The following DPH6 variants were observed in gnomAD, a reference collection of about 807,000 sequenced individuals.
DPH6 encodes the protein diphthamine biosynthesis 6.
DPH6 carries 33 observed loss-of-function variants against 38.2 expected under a neutral mutation model. The observed-to-expected ratio is 0.86, with a 90% confidence interval of 0.65 to 1.15. The LOEUF is 1.15. Ranked by LOEUF, DPH6 falls within the 50% of genes most tolerant of loss-of-function variation. The pLI is 0.00. For synonymous variants in DPH6, 108 were observed against 103.0 expected, an observed-to-expected ratio of 1.05 and a Z score of -0.30; for missense variants, 325 against 320.0, an observed-to-expected ratio of 1.02 and a Z score of -0.12.
chr15:35,205,882 A>G, the DPH6 span, among the ~76,000 whole-genome samples: 2 of 152,130 alleles, frequency 1.3e-5, no homozygotes. Context: ...CTGTCGGGCA[A>G]TATGTATTGA....
chr15:35,317,039 C>T (rs1371562782), intron 3 of DPH6, among the ~76,000 whole-genome samples: 1 of 152,284 alleles, frequency 6.6e-6, no homozygotes, highest in African/African-American at 2.4e-5. Flanking sequence ...AGGCAGATTG[C>T]TTGAGCCAAG....
chr15:35,452,297 A>T (rs1370529934), intron 4 of DPH6, among the ~76,000 whole-genome samples: 1 of 152,224 alleles, frequency 6.6e-6, no homozygotes, highest in Admixed American at 6.5e-5. Flanking sequence ...CAATGCCTGG[A>T]TAAAACAGGT....
downstream of DPH6, among the ~76,000 whole-genome samples, chr15:35,366,262 G>A (rs1279657710): frequency 7.4e-6 from 1 of 135,758 alleles, no homozygotes; most frequent in Non-Finnish European, 1.7e-5. Context: ...GTGTGTGTGT[G>A]TATACATATA....
At chr15:35,409,094 T>C (rs576091100) in intron 6 of DPH6, among the ~76,000 whole-genome samples, 1 of 151,874 alleles carries the variant, frequency 6.6e-6, no homozygotes, top group Non-Finnish European at 1.5e-5. Context: ...CAAGCACAGG[T>C]AGGGCCTCAG....
chr15:35,290,329 C>T (rs2051971962), intron 3 of DPH6, among the ~76,000 whole-genome samples: 1 of 152,190 alleles, frequency 6.6e-6, no homozygotes, highest in Admixed American at 6.5e-5. Context: ...ATGTGAACAT[C>T]ATTTCTGCAA....
the DPH6 span, among the ~76,000 whole-genome samples, chr15:35,172,340 T>C: frequency 6.6e-6 from 1 of 152,344 alleles, no homozygotes; most frequent in South Asian, 2.1e-4. Context: ...AATCATTTTC[T>C]TACACTTATT....
At position 35,371,180 on chromosome 15, in the gene DPH6, A is replaced by G. The variant is rs1324047051; in HGVS notation, c.*970T>C. The G allele has an allele frequency of 1.3e-5, 2 of 151,806 alleles. No individual in the cohort carries two copies. The highest frequency in any genetic ancestry group is 1.3e-4 in the Admixed American group (2 of 15,210). The allele number at this position is 151,806 out of a possible 1,614,324, so 9.4% of individuals were successfully genotyped here. ...AAACTATGTACACAGTGAAAAGATC[A>G]GTTGCTAAGGGTTAAAGGAGAGGGA... On this transcript the variant is annotated 3_prime_UTR_variant, in exon 9 of 9. Transcript: ENST00000256538.
chr15:35,462,461 C>A (rs1179027970), intron 3 of DPH6, among the ~76,000 whole-genome samples: 2 of 152,188 alleles, frequency 1.3e-5, no homozygotes, highest in African/African-American at 4.8e-5. Context: ...CAAGTATACT[C>A]CACTGATGCA....
At chr15:35,204,178 G>A in the DPH6 span, among the ~76,000 whole-genome samples, 12 of 151,652 alleles carry the variant, frequency 7.9e-5, no homozygotes, top group African/African-American at 2.7e-4. Context: ...CTTATACACT[G>A]CCTTAATATG....
At chr15:35,397,869 A>ATATACACACACG (rs1555398531) in intron 6 of DPH6, among the ~76,000 whole-genome samples, 5 of 108,494 alleles carry the variant, frequency 4.6e-5, no homozygotes, top group East Asian at 2.8e-4. Flanking sequence ...TTATATATAT[A>ATATACACACACG]CACACACACA....
intron 5 of DPH6, among the ~76,000 whole-genome samples, chr15:35,411,336 A>T (rs2053364113): frequency 6.6e-6 from 1 of 151,766 alleles, no homozygotes; most frequent in South Asian, 2.1e-4. Flanking sequence ...TAAGAGTAGA[A>T]AATAGCAGTA....
intron 3 of DPH6, among the ~76,000 whole-genome samples, chr15:35,516,498 C>A (rs2054849927): frequency 6.6e-6 from 1 of 152,124 alleles, no homozygotes; most frequent in African/African-American, 2.4e-5. Flanking sequence ...GAGAAGTTAA[C>A]TAAACTAAGA....
At chr15:35,381,439 A>C (rs1324775566) in intron 7 of DPH6, among the ~76,000 whole-genome samples, 8 of 152,208 alleles carry the variant, frequency 5.3e-5, no homozygotes, top group Non-Finnish European at 1.2e-4. Flanking sequence ...AAAAAGAGGA[A>C]GGAGTTAATG....
intron 3 of DPH6, among the ~76,000 whole-genome samples, chr15:35,301,469 T>C (rs56851829): frequency 0.092 from 14,049 of 152,246 alleles, 1,699 homozygotes; most frequent in East Asian, 0.33. Context: ...CTCCTCTTTG[T>C]TTTTCATTTA....
intron 3 of DPH6, among the ~76,000 whole-genome samples, chr15:35,480,371 C>G (rs1050789340): frequency 8.6e-5 from 13 of 151,994 alleles, no homozygotes; most frequent in Non-Finnish European, 1.6e-4. Flanking sequence ...CATCAGAGAC[C>G]TGATGATGAT....
chr15:35,416,617 T>C (rs1417666958), intron 5 of DPH6, among the ~76,000 whole-genome samples: 1 of 152,078 alleles, frequency 6.6e-6, no homozygotes, highest in Non-Finnish European at 1.5e-5. Context: ...TGTTCCACTG[T>C]ACTTGATTAT....
intron 6 of DPH6, among the ~76,000 whole-genome samples, chr15:35,388,366 T>C (rs1189540306): frequency 6.6e-6 from 1 of 152,222 alleles, no homozygotes; most frequent in African/African-American, 2.4e-5. Context: ...TAAAATGAGT[T>C]ACAGAGGATT....
rs375380385 is a variant in DPH6 at position 35,238,164 on chromosome 15, T to C, written n.201-17582A>G. 30 of 839,162 alleles carry C rather than the reference T, an allele frequency of 3.6e-5. 1 individual carries two copies. In the African/African-American group the frequency reaches 4.6e-4, roughly 13 times the overall value. The allele number at this position is 839,162 out of a possible 1,614,324, so 52.0% of individuals were successfully genotyped here. ...CTGCCCCCTGAAACTTATTTTTTTT[T>C]CTGATTGTAACGTTGCTGTGGGAAC... On this transcript the variant is annotated intron_variant and non_coding_transcript_variant, in intron 3 of 3. Coordinates refer to the DPH6 transcript ENST00000560386.
chr15:35,245,232 CTTTTTTTTTTTTTTT>C (rs71123123), intron 3 of DPH6, among the ~76,000 whole-genome samples: 3 of 81,384 alleles, frequency 3.7e-5, no homozygotes, highest in Non-Finnish European at 6.8e-5. Flanking sequence ...ATTGTTCTTG[CTTTTTTTTTTTTTTT>C]TTTTTTTTTG....
Sources: allele counts gnomAD v4.1 joint callset (sites outside exome capture counted in the v4.1 genomes callset), GRCh38; gene constraint gnomAD v4.1.1; transcripts MANE v1.5; gene names NCBI Gene and HGNC (gene_info 2026-07-23, HGNC 2026-07-21).